DLGAP2: variants seen among roughly 807,000 people sequenced by gnomAD.
DLGAP2 encodes disks large-associated protein 2.
DLGAP2 carries 26 observed loss-of-function variants against 100.3 expected under a neutral mutation model. The ratio of observed to expected loss-of-function variants is 0.26; its 90% confidence interval spans 0.19 to 0.36. The LOEUF is 0.36. Ranked by LOEUF, DLGAP2 falls within the 10% of genes least tolerant of loss-of-function variation. The pLI is 1.00. For missense variants in DLGAP2, 1,858 were observed against 1,453.2 expected, an observed-to-expected ratio of 1.28 and a Z score of -4.53; for synonymous variants, 886 against 630.1, an observed-to-expected ratio of 1.41 and a Z score of -6.08.
chr8:1,637,807 A>G (rs1185528177), intron 8 of DLGAP2, among the ~76,000 whole-genome samples: 1 of 152,216 alleles, frequency 6.6e-6, no homozygotes, highest in Non-Finnish European at 1.5e-5. Flanking sequence ...AGAGCTCGTC[A>G]GCCATGGCAC....
At chr8:1,460,481 C>T (rs942276197) in intron 3 of DLGAP2, among the ~76,000 whole-genome samples, 2 of 152,188 alleles carry the variant, frequency 1.3e-5, no homozygotes, top group Admixed American at 6.5e-5. Context: ...GCCAGCAGAG[C>T]AGGGGACGCC....
chr8:1,263,135 G>A (rs1799384365), intron 3 of DLGAP2, among the ~76,000 whole-genome samples: 1 of 152,124 alleles, frequency 6.6e-6, no homozygotes, highest in Non-Finnish European at 1.5e-5. Context: ...AAAATGTTGG[G>A]ATACGTTGAC....
intron 3 of DLGAP2, among the ~76,000 whole-genome samples, chr8:1,415,361 C>G (rs1271823723): frequency 1.3e-5 from 2 of 152,054 alleles, no homozygotes; most frequent in Non-Finnish European, 2.9e-5. Context: ...AAGTTTGTTA[C>G]ATGGATTTAT....
intron 3 of DLGAP2, among the ~76,000 whole-genome samples, chr8:1,499,793 CTCT>C (rs1450159501): frequency 3.3e-5 from 5 of 152,222 alleles, no homozygotes; most frequent in African/African-American, 1.2e-4. Context: ...CGACCGTATC[CTCT>C]TCATCAGCAT....
At chr8:913,087 T>C (rs1443438251) in intron 2 of DLGAP2, among the ~76,000 whole-genome samples, 1 of 151,794 alleles carries the variant, frequency 6.6e-6, no homozygotes, top group Non-Finnish European at 1.5e-5. Flanking sequence ...GTTGAGCAAA[T>C]TTTTTTTGTG....
Position 1,678,441 on chromosome 8 carries a change from C to A in DLGAP2, c.2516C>A (p.Thr839Asn). 6.2e-7 allele frequency: 1 copy of A among 1,613,634 alleles called. No homozygotes were observed. The highest frequency in any genetic ancestry group is 8.5e-7 in the Non-Finnish European group (1 of 1,179,742). Residue 839 changes from threonine (T) to asparagine (N), a missense_variant, in exon 12 of 15, where the codon ACC becomes AAC. By Grantham distance (65) the Thr-to-Asn change is moderately conservative. Coordinates refer to ENST00000637795, the MANE Select transcript of DLGAP2 (RefSeq NM_001346810.2). Reference protein sequence around the residue: ...YREDYRTQVDTSTLPPPDPWL... With the variant: ...YREDYRTQVDNSTLPPPDPWL... ...GAAGACTATCGGACCCAAGTGGACA[C>A]CTCCACCCTGCCCCCTCCAGACCCC...
At chr8:761,104 G>C (rs1821072003) in intron 1 of DLGAP2, among the ~76,000 whole-genome samples, 1 of 152,182 alleles carries the variant, frequency 6.6e-6, no homozygotes, top group Non-Finnish European at 1.5e-5. Flanking sequence ...CACGTCGCTT[G>C]TGTCCCTTTC....
intron 2 of DLGAP2, among the ~76,000 whole-genome samples, chr8:1,106,201 C>A (rs796960075): frequency 8.6e-5 from 12 of 139,558 alleles, no homozygotes; most frequent in African/African-American, 3.0e-4. Flanking sequence ...CTGAAGGGAG[C>A]CATTCTAGGA....
chr8:1,150,218 T>C (rs902436627), intron 2 of DLGAP2, among the ~76,000 whole-genome samples: 7 of 152,256 alleles, frequency 4.6e-5, no homozygotes, highest in Non-Finnish European at 5.9e-5. Flanking sequence ...ATTTCGGCTT[T>C]TGATGAAAAA....
chr8:1,416,401 TAC>T (rs2129907085), intron 3 of DLGAP2, among the ~76,000 whole-genome samples: 1 of 152,322 alleles, frequency 6.6e-6, no homozygotes, highest in East Asian at 1.9e-4. Flanking sequence ...GCAGCGATAC[TAC>T]AGTTTCTGAG....
chr8:1,214,581 C>A lies in DLGAP2; in HGVS notation c.74-44270C>A, dbSNP rs143860910. Among the ~76,000 whole-genome samples the A allele has an allele frequency of 5.2e-3, 790 of 152,370 alleles. 6 individuals are homozygous for A. Among genetic ancestry groups the A allele is most frequent in the African/African-American group, 0.017 (716 of 41,588 alleles). ...TAACCTTCTCACACGGCCTCCTCCT[C>A]ATTTATCCTGTGGCCTCTTTCAATT... On this transcript the variant is annotated intron_variant, in intron 2 of 14. Coordinates refer to ENST00000637795, the MANE Select transcript of DLGAP2 (RefSeq NM_001346810.2).
intron 2 of DLGAP2, among the ~76,000 whole-genome samples, chr8:1,143,010 T>A (rs1796547878): frequency 6.6e-6 from 1 of 152,126 alleles, no homozygotes; most frequent in South Asian, 2.1e-4. Context: ...GAGATTGGAT[T>A]TATAGGAAGC....
At chr8:816,417 G>T (rs895126679) in intron 1 of DLGAP2, among the ~76,000 whole-genome samples, 38 of 152,202 alleles carry the variant, frequency 2.5e-4, no homozygotes, top group African/African-American at 8.4e-4. Context: ...TGCTGGCTTG[G>T]TAGTGGGGAA....
chr8:1,300,203 G>C (rs1041574168), intron 3 of DLGAP2: 1 of 152,188 alleles, frequency 6.6e-6, no homozygotes, highest in African/African-American at 2.4e-5. Context: ...ACCGTTATAC[G>C]TGTGTGTCTG....
At chr8:1,182,761 T>C (rs17065746) in intron 2 of DLGAP2, among the ~76,000 whole-genome samples, 23,832 of 152,124 alleles carry the variant, frequency 0.16, 4,215 homozygotes, top group African/African-American at 0.44. Context: ...GCTCACACTA[T>C]CGAGTCCAGC....
intron 2 of DLGAP2, among the ~76,000 whole-genome samples, chr8:1,089,264 CA>C (rs1393251707): frequency 6.6e-6 from 1 of 152,274 alleles, no homozygotes; most frequent in South Asian, 2.1e-4. Flanking sequence ...CTTAGGCCTG[CA>C]CAGGCTTTCT....
At chr8:1,651,423 G>T (rs796687175) in intron 8 of DLGAP2, among the ~76,000 whole-genome samples, 3 of 152,294 alleles carry the variant, frequency 2.0e-5, no homozygotes, top group African/African-American at 7.2e-5. Context: ...GCTGGTGAGG[G>T]ATCCAGCTCC....
intron 3 of DLGAP2, among the ~76,000 whole-genome samples, chr8:1,294,782 T>C (rs1160553316): frequency 6.6e-6 from 1 of 151,996 alleles, no homozygotes; most frequent in Non-Finnish European, 1.5e-5. Flanking sequence ...GACAGTAGGA[T>C]TGCTTGAGCC....
chr8:981,445 A>G (rs762270132), intron 2 of DLGAP2, among the ~76,000 whole-genome samples: 1 of 152,072 alleles, frequency 6.6e-6, no homozygotes, highest in Non-Finnish European at 1.5e-5. Context: ...CTTTGTATCT[A>G]GGAGTGGAAG....
Sources: allele counts gnomAD v4.1 joint callset (sites outside exome capture counted in the v4.1 genomes callset), GRCh38; gene constraint gnomAD v4.1.1; transcripts MANE v1.5; gene names NCBI Gene and HGNC (gene_info 2026-07-23, HGNC 2026-07-21).